Variants in RPS6KA5 observed in about 807,000 individuals in gnomAD.
RPS6KA5 encodes the protein ribosomal protein S6 kinase A5.
A neutral mutation model predicts 85.5 loss-of-function variants in RPS6KA5; 27 were observed. The observed-to-expected ratio is 0.32, with a 90% CI of 0.23 to 0.44. The LOEUF (loss-of-function observed/expected upper bound fraction) is 0.44, where lower values mean the gene tolerates loss of function less well. Among genes scored for constraint, RPS6KA5 ranks in the 20% least tolerant of loss-of-function variants. The pLI is 1.00. For synonymous variants in RPS6KA5, 334 were observed against 348.2 expected, an observed-to-expected ratio of 0.96 and a Z score of 0.46; for missense variants, 811 against 980.9, an observed-to-expected ratio of 0.83 and a Z score of 2.31.
rs541126234 is a variant in RPS6KA5 at position 90,914,148 on chromosome 14, G to A, written c.806+6058C>T. ...GTAGCAGTAGAGAACTGGCTGGGGT[G>A]GTGCACAGAGGTGGCGGCAAAGAAT... On this transcript the variant is annotated intron_variant, in intron 7 of 16. Transcript: ENST00000614987. Among the ~76,000 whole-genome samples the A allele has an allele frequency of 3.3e-5, 5 of 151,114 alleles. No homozygotes were observed. The East Asian group carries it at 9.8e-4, about 30-fold the overall frequency.
At chr14:91,016,279 T>G (rs530482857) in intron 1 of RPS6KA5, among the ~76,000 whole-genome samples, 1 of 152,206 alleles carries the variant, frequency 6.6e-6, no homozygotes, top group South Asian at 2.1e-4. Context: ...TCTTACTACA[T>G]TGCCCACGCT....
chr14:91,057,396 T>C (rs181575662), intron 1 of RPS6KA5, among the ~76,000 whole-genome samples: 2 of 152,236 alleles, frequency 1.3e-5, no homozygotes, highest in African/African-American at 4.8e-5. Context: ...TCAACAAATA[T>C]TAAGTACCTA....
intron 7 of RPS6KA5, among the ~76,000 whole-genome samples, chr14:90,918,966 T>C (rs2036263098): frequency 6.7e-6 from 1 of 150,160 alleles, no homozygotes; most frequent in East Asian, 2.0e-4. Context: ...AGACCCAGGT[T>C]GTCAATTTCT....
intron 1 of RPS6KA5, among the ~76,000 whole-genome samples, chr14:91,013,046 C>T (rs757187230): frequency 6.6e-6 from 1 of 152,188 alleles, no homozygotes; most frequent in Non-Finnish European, 1.5e-5. Context: ...TCCATCCTCA[C>T]AGGACTCCCT....
At chr14:90,946,263 G>A (rs906531176) in intron 4 of RPS6KA5, among the ~76,000 whole-genome samples, 4 of 151,264 alleles carry the variant, frequency 2.6e-5, no homozygotes, top group African/African-American at 2.4e-5. Flanking sequence ...ACTGCACCTC[G>A]TTCCCCTTCC....
chr14:90,925,542 C>T (rs1031412830), intron 5 of RPS6KA5, among the ~76,000 whole-genome samples: 1 of 152,026 alleles, frequency 6.6e-6, no homozygotes, highest in Non-Finnish European at 1.5e-5. Context: ...CACCCTGGGA[C>T]ACATGATAGA....
intron 3 of RPS6KA5, among the ~76,000 whole-genome samples, chr14:90,973,217 G>A (rs760333012): frequency 6.6e-6 from 1 of 152,196 alleles, no homozygotes; most frequent in Non-Finnish European, 1.5e-5. Flanking sequence ...GAGGTGGGCA[G>A]ATCACTTGAG....
chr14:90,953,276 T>G (rs2038310953), intron 3 of RPS6KA5, among the ~76,000 whole-genome samples: 5 of 152,234 alleles, frequency 3.3e-5, no homozygotes, highest in Admixed American at 3.3e-4. Context: ...GAAGATTTCA[T>G]GGACATTTAT....
rs2032307016 is a variant in RPS6KA5 at position 90,856,755 on chromosome 14, CACT to C, written c.*15316_*15318del. 6.6e-6 allele frequency: 1 copy of C among 152,172 alleles called. No individual in the cohort carries two copies. The highest frequency in any genetic ancestry group is 6.5e-5 in the Admixed American group (1 of 15,274). 9.4% of individuals were successfully genotyped at this position (152,172 alleles called of 1,614,324 possible). On this transcript the variant is annotated 3_prime_UTR_variant, in exon 17 of 17. Transcript: ENST00000614987. ...ATTTACAATGTCTTGCAACCATTAC[CACT>C]ACCTAATTCCAGAACATTTTGATCA...
chr14:91,003,192 T>C (rs750755244), intron 1 of RPS6KA5, among the ~76,000 whole-genome samples: 1 of 152,118 alleles, frequency 6.6e-6, no homozygotes, highest in Non-Finnish European at 1.5e-5. Flanking sequence ...TTTTATTTAC[T>C]GAGATATGTA....
chr14:91,040,314 C>T (rs544258903), intron 1 of RPS6KA5, among the ~76,000 whole-genome samples: 6 of 152,118 alleles, frequency 3.9e-5, no homozygotes, highest in East Asian at 3.9e-4. Flanking sequence ...AGGCTGAGGC[C>T]GGAGAATCGC....
chr14:90,857,387 T>C lies in RPS6KA5; in HGVS notation c.*14687A>G, dbSNP rs2032335358. 2.0e-5 allele frequency: 3 copies of C among 152,240 alleles called. No homozygotes were observed. The highest frequency in any genetic ancestry group is 2.0e-4 in the Admixed American group (3 of 15,282). The allele number at this position is 152,240 out of a possible 1,614,324, so 9.4% of individuals were successfully genotyped here. A position where few individuals can be genotyped will look rare whatever the true frequency, so the allele number is the denominator to read the frequency against. On this transcript the variant is annotated 3_prime_UTR_variant, in exon 17 of 17. Transcript: ENST00000614987. ...TGCTTAGTTGCATCTGAAATGTTTT[T>C]CAAAAACAGAAGTTAAAATGGGAAA...
At chr14:90,978,047 T>C (rs894003914) in intron 3 of RPS6KA5, among the ~76,000 whole-genome samples, 1 of 151,918 alleles carries the variant, frequency 6.6e-6, no homozygotes, top group Non-Finnish European at 1.5e-5. Flanking sequence ...AGAGCCAGAC[T>C]CTGCCTCAAA....
At chr14:91,026,087 G>T (rs916519907) in intron 1 of RPS6KA5, among the ~76,000 whole-genome samples, 2 of 152,124 alleles carry the variant, frequency 1.3e-5, no homozygotes, top group African/African-American at 4.8e-5. Flanking sequence ...ACTTCATATA[G>T]GTTTAGATGT....
At chr14:91,044,287 GAGAGAGAAAGAGAGAGAA>G (rs2042725880) in intron 1 of RPS6KA5, among the ~76,000 whole-genome samples, 11 of 128,588 alleles carry the variant, frequency 8.6e-5, no homozygotes, top group Non-Finnish European at 1.3e-4. Context: ...GAAAGAGAGA[GAGAGAGAAAGAGAGAGAA>G]AGAGAGAGAG....
At chr14:90,879,076 A>G (rs148793028) in intron 14 of RPS6KA5, among the ~76,000 whole-genome samples, 3 of 152,316 alleles carry the variant, frequency 2.0e-5, no homozygotes, top group Non-Finnish European at 2.9e-5. Flanking sequence ...ACTGCTCCTG[A>G]GATGTTACTA....
intron 12 of RPS6KA5, 137 bp from the exon 13 acceptor site, chr14:90,894,720 T>C: frequency 9.3e-7 from 1 of 1,079,786 alleles, no homozygotes; most frequent in African/African-American, 1.6e-5. Flanking sequence ...AATCCTCATA[T>C]CTTAGAGAAA....
chr14:91,059,671 C>CTTTA (rs1344806041), intron 1 of RPS6KA5, among the ~76,000 whole-genome samples: 2 of 152,210 alleles, frequency 1.3e-5, no homozygotes, highest in African/African-American at 4.8e-5. Flanking sequence ...TTACCTGGAG[C>CTTTA]TTTAAATTTC....
chr14:90,995,160 G>T (rs1423899837), intron 2 of RPS6KA5, among the ~76,000 whole-genome samples: 1 of 151,880 alleles, frequency 6.6e-6, no homozygotes, highest in Non-Finnish European at 1.5e-5. Context: ...ACAGTAGGTG[G>T]GATTACAGGT....
Sources: allele counts gnomAD v4.1 joint callset (sites outside exome capture counted in the v4.1 genomes callset), GRCh38; gene constraint gnomAD v4.1.1; transcripts MANE v1.5; gene names NCBI Gene and HGNC (gene_info 2026-07-23, HGNC 2026-07-21).